The following PHF24 variants were observed in gnomAD, a reference collection of about 807,000 sequenced individuals.
PHF24 encodes Galpha inhibitory interacting protein.
Under a neutral mutation model 42.6 loss-of-function variants are expected in PHF24, and 25 were observed. That is an observed-to-expected ratio of 0.59 (90% CI 0.43 to 0.82). PHF24 has a LOEUF of 0.82. PHF24 is among the 40% of genes least tolerant of loss of function. The pLI is 0.00. For synonymous variants in PHF24, 185 were observed against 204.8 expected (o/e 0.90, Z 0.83); for missense variants, 470 against 538.1 (o/e 0.87, Z 1.25).
At chr9:34,707,784 A>G in the PHF24 span, among the ~76,000 whole-genome samples, 3 of 151,834 alleles carry the variant, frequency 2.0e-5, no homozygotes, top group African/African-American at 4.8e-5. Context: ...CTGGAGTGCA[A>G]TGGCACAATC....
the PHF24 span, among the ~76,000 whole-genome samples, chr9:34,721,521 T>G: frequency 1.8e-3 from 278 of 152,134 alleles, 3 homozygotes; most frequent in African/African-American, 5.8e-3. Context: ...TTCAAGTGAT[T>G]CTCCTCAGCC....
chr9:34,700,150 A>G, the PHF24 span, among the ~76,000 whole-genome samples: 2 of 152,216 alleles, frequency 1.3e-5, no homozygotes, highest in African/African-American at 4.8e-5. Context: ...TAGGAGATAT[A>G]CAGTCAGATA....
chr9:34,906,337 G>A, the PHF24 span, among the ~76,000 whole-genome samples: 6 of 152,078 alleles, frequency 3.9e-5, no homozygotes, highest in South Asian at 2.1e-4. Context: ...GTATACATTG[G>A]TTCAGCCCAG....
the PHF24 span, among the ~76,000 whole-genome samples, chr9:34,858,184 C>T: frequency 2.0e-5 from 3 of 151,766 alleles, no homozygotes; most frequent in Admixed American, 2.0e-4. Flanking sequence ...GTCATTTTTC[C>T]CTAATTGCTT....
At chr9:34,837,019 C>T in the PHF24 span, 1 of 467,808 alleles carries the variant, frequency 2.1e-6, no homozygotes, top group South Asian at 1.6e-5. Flanking sequence ...GAAAAAATCA[C>T]CACAGGCCAG....
chr9:34,927,263 C>G, the PHF24 span, among the ~76,000 whole-genome samples: 2 of 152,168 alleles, frequency 1.3e-5, no homozygotes, highest in African/African-American at 4.8e-5. Context: ...AAGCTCTGTG[C>G]AGCTGACGTA....
the PHF24 span, among the ~76,000 whole-genome samples, chr9:34,677,755 A>G: frequency 6.6e-6 from 1 of 152,156 alleles, no homozygotes; most frequent in Non-Finnish European, 1.5e-5. Context: ...CAGCACTTAT[A>G]GAACAAAATC....
the PHF24 span, among the ~76,000 whole-genome samples, chr9:34,899,432 G>A: frequency 7.2e-4 from 109 of 152,312 alleles, no homozygotes; most frequent in Non-Finnish European, 1.1e-3. Flanking sequence ...TGACTGACAT[G>A]CCACTGGTGT....
the PHF24 span, chr9:34,922,074 G>A: frequency 1.0e-6 from 1 of 966,418 alleles, no homozygotes; most frequent in Admixed American, 2.2e-5. Flanking sequence ...TCAAATAGAA[G>A]TAACATAAAC....
the PHF24 span, chr9:34,894,965 G>T: frequency 2.5e-6 from 1 of 398,220 alleles, no homozygotes; most frequent in Non-Finnish European, 4.4e-6. Context: ...TAGCAGCAGG[G>T]GTCATAGAGG....
chr9:34,731,861 T>C, the PHF24 span, among the ~76,000 whole-genome samples: 188 of 152,190 alleles, frequency 1.2e-3, no homozygotes, highest in Non-Finnish European at 2.0e-3. Context: ...GGTTTTTTTT[T>C]CTTTTTTTGG....
At chr9:34,764,747 A>C in the PHF24 span, among the ~76,000 whole-genome samples, 1 of 151,834 alleles carries the variant, frequency 6.6e-6, no homozygotes. Flanking sequence ...CTAGCTTTTG[A>C]ATGTGTTTGC....
chr9:34,850,612 A>T, the PHF24 span, among the ~76,000 whole-genome samples: 1 of 152,354 alleles, frequency 6.6e-6, no homozygotes, highest in South Asian at 2.1e-4. Context: ...CGTCGAAGTC[A>T]TTCTCCATCC....
the PHF24 span, among the ~76,000 whole-genome samples, chr9:34,676,109 A>G: frequency 6.6e-6 from 1 of 152,138 alleles, no homozygotes. Context: ...ATTCCTGAGG[A>G]AGGAGCCATG....
At chr9:34,679,470 A>C in the PHF24 span, among the ~76,000 whole-genome samples, 1 of 152,208 alleles carries the variant, frequency 6.6e-6, no homozygotes, top group African/African-American at 2.4e-5. Context: ...ATTCAGGGTG[A>C]TCCTGAAAGA....
At chr9:34,707,967 T>C in the PHF24 span, among the ~76,000 whole-genome samples, 19 of 152,252 alleles carry the variant, frequency 1.2e-4, no homozygotes, top group East Asian at 3.5e-3. Flanking sequence ...CCTGACCTCA[T>C]GATCCGCCTG....
At chr9:34,760,684 A>C in the PHF24 span, among the ~76,000 whole-genome samples, 367 of 152,292 alleles carry the variant, frequency 2.4e-3, no homozygotes, top group African/African-American at 8.4e-3. Flanking sequence ...TAGTCCTGCG[A>C]CGTCTCGGCC....
At chr9:34,844,713 T>G in the PHF24 span, among the ~76,000 whole-genome samples, 4 of 152,232 alleles carry the variant, frequency 2.6e-5, no homozygotes, top group Non-Finnish European at 4.4e-5. Flanking sequence ...TATTTCACTC[T>G]TCTTAAATTT....
the PHF24 span, among the ~76,000 whole-genome samples, chr9:34,860,838 A>T: frequency 5.3e-5 from 8 of 151,968 alleles, no homozygotes; most frequent in Admixed American, 3.3e-4. Flanking sequence ...TGTTGTAAAG[A>T]ACTATAAAAC....
Sources: gnomAD v4.1 joint callset for allele counts (sites outside exome capture counted in the v4.1 genomes callset) on GRCh38, gnomAD v4.1.1 for gene constraint, MANE v1.5 for transcripts, NCBI Gene and HGNC (gene_info 2026-07-23, HGNC 2026-07-21) for gene names.